The following IQSEC1 variants were observed in gnomAD, a reference collection of about 807,000 sequenced individuals.
The protein encoded by IQSEC1 is IQ motif and Sec7 domain ArfGEF 1.
IQSEC1 carries 31 observed loss-of-function variants against 91.0 expected under a neutral mutation model. The observed-to-expected ratio is 0.34, with a 90% CI of 0.26 to 0.46. IQSEC1 has a LOEUF of 0.46. IQSEC1 is among the 20% of genes least tolerant of loss of function. The pLI, the probability that IQSEC1 is intolerant of heterozygous loss-of-function variation, is 1.00. For missense variants in IQSEC1, 1,388 were observed against 1,575.6 expected (o/e 0.88, Z 2.02); for synonymous variants, 699 against 662.6 (o/e 1.05, Z -0.84).
chr3:12,909,604 C>A lies in IQSEC1; in HGVS notation c.2417-170G>T, dbSNP rs1024397768. Among the ~76,000 whole-genome samples, 1 of 152,228 alleles carries A rather than the reference C, an allele frequency of 6.6e-6. No homozygotes were observed. The highest frequency in any genetic ancestry group is 2.4e-5 in the African/African-American group (1 of 41,460). On this transcript the variant is annotated intron_variant, in intron 10 of 13. Transcript: ENST00000613206. The surrounding 1 kb of genome is among the most constrained non-coding windows in gnomAD (Gnocchi z 4.9). ...CTGCAGGGGTGCAGAGCAACCTCATCTCCCGACTTGGGAAAGATGGTCTGT... is the reference window on the plus strand; with the variant it reads ...CTGCAGGGGTGCAGAGCAACCTCATATCCCGACTTGGGAAAGATGGTCTGT...
intron 1 of IQSEC1, chr3:13,015,467 G>C (rs1351347671): frequency 1.5e-6 from 1 of 656,130 alleles, no homozygotes; most frequent in Non-Finnish European, 1.9e-6. Flanking sequence ...AAACTCTGAC[G>C]ACAGCCCCCA....
At chr3:13,062,344 T>C (rs1350514627) in intron 1 of IQSEC1, among the ~76,000 whole-genome samples, 1 of 152,182 alleles carries the variant, frequency 6.6e-6, no homozygotes, top group African/African-American at 2.4e-5. Context: ...ACAGGCCTTA[T>C]TACCTCATTC....
chr3:13,072,932 C>T, intron 1 of IQSEC1, 60 bp downstream of exon 1: 8 of 1,464,122 alleles, frequency 5.5e-6, no homozygotes, highest in Non-Finnish European at 7.5e-6. Flanking sequence ...CTCCAGCTCC[C>T]AGCTCAGCCG....
chr3:12,908,893 A>C lies in IQSEC1; in HGVS notation c.2579-368T>G, dbSNP rs1221339480. ...ATGTGCCTCCAAGGAGTAGACCTGG[A>C]GCCAGGGAGTAGACCTGGAGCCAGG... On this transcript the variant is annotated intron_variant, in intron 11 of 13. Coordinates refer to ENST00000613206, the MANE Select transcript of IQSEC1 (RefSeq NM_001134382.3). This position sits in a 1 kb window ranked among gnomAD's most constrained non-coding sequence, Gnocchi z 4.9. 1.3e-5 allele frequency among the ~76,000 whole-genome samples: 2 copies of C among 151,856 alleles called. No individual in the cohort carries two copies. The highest frequency in any genetic ancestry group is 1.9e-4 in the East Asian group (1 of 5,174).
intron 1 of IQSEC1, among the ~76,000 whole-genome samples, chr3:12,996,590 A>C (rs544876206): frequency 6.6e-6 from 1 of 152,266 alleles, no homozygotes; most frequent in Non-Finnish European, 1.5e-5. Flanking sequence ...AATACCATAA[A>C]CAAAGTAAAA....
intron 1 of IQSEC1, among the ~76,000 whole-genome samples, chr3:13,177,805 C>T (rs1281482224): frequency 2.6e-5 from 4 of 152,308 alleles, no homozygotes; most frequent in East Asian, 3.9e-4. Context: ...GTCCCAGGGT[C>T]GATGCAGAGC....
Position 12,911,694 on chromosome 3 carries a change from A to C in IQSEC1, c.2351T>G (p.Val784Gly). 1 of 1,613,648 alleles carries C rather than the reference A, an allele frequency of 6.2e-7. No individual in the cohort carries two copies. Among genetic ancestry groups the C allele is most frequent in the Non-Finnish European group, 8.5e-7 (1 of 1,179,958 alleles). The change falls in exon 10 of 14, where the codon GTG (valine) becomes GGG (glycine). Residue 784 changes from valine to glycine, a missense_variant. Val to Gly is a moderately radical substitution (Grantham distance 109, BLOSUM62 -3). This residue lies in a region of IQSEC1 where 1,059 missense variants were observed against 1,317.8 expected (regional missense o/e 0.80). Coordinates refer to ENST00000613206, the MANE Select transcript of IQSEC1 (RefSeq NM_001134382.3). ...GAAGGACTGTCGGAAGCTGTACGTC[A>C]CCGAGTTCTTCTTCTTCTGGAAGAT... is the stretch of plus-strand genomic sequence containing the variant. ...TKIFQKKKNS[V>G]TYSFRQSFSL...
chr3:13,281,450 C>G (rs1159196051), intron 1 of IQSEC1, among the ~76,000 whole-genome samples: 1 of 123,362 alleles, frequency 8.1e-6, no homozygotes, highest in East Asian at 2.6e-4. Context: ...CCCACGCCTG[C>G]CACGCACAGA....
Position 12,924,466 on chromosome 3 carries a change from A to G in IQSEC1, c.1730+115T>C. The G allele has an allele frequency of 9.1e-7, 1 of 1,097,390 alleles. No individual in the cohort carries two copies. Among genetic ancestry groups the G allele is most frequent in the East Asian group, 2.9e-5 (1 of 34,270 alleles). 68.0% of individuals were successfully genotyped at this position (1,097,390 alleles called of 1,614,324 possible). A position where few individuals can be genotyped will look rare whatever the true frequency, so the allele number is the denominator to read the frequency against. Reference sequence around the variant, plus strand: ...CTTAGGAAGAGAGAAAGGGGGGCCCACCACATGTCCCAGCAAGTAGGGTGG... The same window carrying G: ...CTTAGGAAGAGAGAAAGGGGGGCCCGCCACATGTCCCAGCAAGTAGGGTGG... On this transcript the variant is annotated intron_variant, in intron 4 of 13. Transcript: ENST00000613206. The surrounding 1 kb of genome is among the most constrained non-coding windows in gnomAD (Gnocchi z 6.3).
intron 1 of IQSEC1, among the ~76,000 whole-genome samples, chr3:13,031,223 C>T (rs1703829959): frequency 6.6e-6 from 1 of 152,252 alleles, no homozygotes; most frequent in African/African-American, 2.4e-5. Context: ...CACTGGCCTA[C>T]AGGTAAGGGC....
At chr3:13,114,893 G>A (rs1331517453) in intron 2 of IQSEC1, among the ~76,000 whole-genome samples, 1 of 152,202 alleles carries the variant, frequency 6.6e-6, no homozygotes, top group South Asian at 2.1e-4. Context: ...ATTTGGAGAG[G>A]AGGTGGCATT....
rs76521775 is a variant in IQSEC1, at chr3:13,279,100, C to T, written c.272+3611G>A. On this transcript the variant is annotated intron_variant, in intron 1 of 15. Transcript: ENST00000648114. Reference sequence around the variant, plus strand: ...CAGCCATCGGCCCCACCCCTGCTCCCTGGGATTTGGGTCTGGGTGATTTTC... The same window carrying T: ...CAGCCATCGGCCCCACCCCTGCTCCTTGGGATTTGGGTCTGGGTGATTTTC... 8.8e-3 allele frequency among the ~76,000 whole-genome samples: 1,344 copies of T among 152,336 alleles called. 19 individuals are homozygous for T. The highest frequency in any genetic ancestry group is 0.031 in the African/African-American group (1,273 of 41,576).
chr3:13,164,390 A>T (rs181978410), intron 1 of IQSEC1, among the ~76,000 whole-genome samples: 2 of 152,216 alleles, frequency 1.3e-5, no homozygotes, highest in African/African-American at 4.8e-5. Context: ...CATCACCTTG[A>T]CTGCAATTGT....
At chr3:12,959,596 C>T (rs1485410269) in intron 1 of IQSEC1, among the ~76,000 whole-genome samples, 2 of 152,156 alleles carry the variant, frequency 1.3e-5, no homozygotes, top group South Asian at 2.1e-4. Flanking sequence ...TCAGAGTTCC[C>T]GAGTTGGGCC....
intron 1 of IQSEC1, among the ~76,000 whole-genome samples, chr3:12,978,180 T>C (rs1701277222): frequency 6.6e-6 from 1 of 152,200 alleles, no homozygotes; most frequent in South Asian, 2.1e-4. Context: ...ACAGAGGCCT[T>C]GAAGCCTAGA....
rs967937902 is a variant in IQSEC1 at position 12,900,014 on chromosome 3, C to CT, written c.*968dup. ...ACAGTTATCGCAGCCATTAAAGTGT[C>CT]TAAGAATCCGTGTAACCAATGTCCT... On this transcript the variant is annotated 3_prime_UTR_variant, in exon 14 of 14. Transcript: ENST00000613206. 8.1e-6 allele frequency: 8 copies of CT among 985,254 alleles called. No homozygotes were observed. Among genetic ancestry groups the CT allele is most frequent in the East Asian group, 1.1e-4 (1 of 8,834 alleles). 61.0% of individuals were successfully genotyped at this position (985,254 alleles called of 1,614,324 possible).
At chr3:13,256,882 G>A (rs1016847502) in intron 1 of IQSEC1, among the ~76,000 whole-genome samples, 1 of 88,846 alleles carries the variant, frequency 1.1e-5, no homozygotes, top group Admixed American at 9.8e-5. Context: ...CACCAGCAGC[G>A]GGTGCAGCAC....
intron 1 of IQSEC1, among the ~76,000 whole-genome samples, chr3:13,216,677 G>A (rs866827024): frequency 4.6e-5 from 7 of 152,200 alleles, no homozygotes; most frequent in African/African-American, 1.7e-4. Context: ...TGGAGGGTGC[G>A]GAAGCCAGTG....
intron 2 of IQSEC1, among the ~76,000 whole-genome samples, chr3:13,132,235 T>G (rs1706633237): frequency 6.6e-6 from 1 of 152,222 alleles, no homozygotes; most frequent in Non-Finnish European, 1.5e-5. Context: ...TAGAGCTAAT[T>G]GTTTCCACTG....
Sources: allele counts gnomAD v4.1 joint callset (sites outside exome capture counted in the v4.1 genomes callset), GRCh38; gene constraint gnomAD v4.1.1; regional missense constraint gnomAD v4.1.1; non-coding constraint Gnocchi (gnomAD v3.1); transcripts MANE v1.5; gene names NCBI Gene and HGNC (gene_info 2026-07-23, HGNC 2026-07-21).